Variants in MYL9 observed in about 807,000 individuals in gnomAD.
MYL9 encodes myosin light chain 9.
Under a neutral mutation model 12.8 loss-of-function variants are expected in MYL9, and 7 were observed. The observed-to-expected ratio is 0.55, with a 90% CI of 0.31 to 1.03. The LOEUF (loss-of-function observed/expected upper bound fraction) is 1.03. MYL9 is among the 50% of genes least tolerant of loss of function. The probability of loss-of-function intolerance (pLI) is 0.05; values close to 1 mark genes in which losing one functional copy is unlikely to be tolerated. For missense variants in MYL9, 190 were observed against 242.7 expected (o/e 0.78, Z 1.44); for synonymous variants, 81 against 87.8 (o/e 0.92, Z 0.43).
At chr20:36,545,616 A>C (rs2038088932) in intron 2 of MYL9, among the ~76,000 whole-genome samples, 1 of 151,646 alleles carries the variant, frequency 6.6e-6, no homozygotes, top group Admixed American at 6.6e-5. Context: ...CTGGGCTGCC[A>C]GGTATCATTT....
chr20:36,545,104 G>C (rs1361552698), intron 2 of MYL9, 36 bp downstream of exon 2: 1 of 1,603,448 alleles, frequency 6.2e-7, no homozygotes, highest in Non-Finnish European at 8.5e-7. Context: ...AGATGGATGA[G>C]GCCAGGCAGG....
rs374262178 is a variant in MYL9, at chr20:36,549,281, G to A, written c.*32G>A. On this transcript the variant is annotated 3_prime_UTR_variant, in exon 4 of 4. Transcript: ENST00000279022. ...CCAGCCCCCTGACACCCCAGCCCCC[G>A]CCAGTCACCCCTCCCCGCACACACC... 161 of 1,002,618 alleles carry A rather than the reference G, an allele frequency of 1.6e-4. No homozygotes were observed. Among genetic ancestry groups the A allele is most frequent in the East Asian group, 8.8e-4 (13 of 14,716 alleles). The allele number at this position is 1,002,618 out of a possible 1,614,324, so 62.1% of individuals were successfully genotyped here.
Position 36,548,108 on chromosome 20 carries a change from C to T in MYL9, c.261C>T (p.Leu87=), listed in dbSNP as rs2038123340. 2 of 1,613,892 alleles carry T rather than the reference C, an allele frequency of 1.2e-6. No individual in the cohort carries two copies. The highest frequency in any genetic ancestry group is 1.3e-5 in the African/African-American group (1 of 74,924). The part of the protein sequence containing the change: ...APGPINFTMF[L]TMFGEKLNGT... ...GGCCCATCAACTTCACCATGTTCCT[C>T]ACCATGTTTGGGGAGAAGCTGAACG... Residue 87 remains leucine, a synonymous_variant, in exon 3 of 4, where the codon CTC becomes CTT. Coordinates refer to ENST00000279022, the MANE Select transcript of MYL9 (RefSeq NM_006097.5).
In MYL9 at chr20:36,544,971, C is replaced by G; in HGVS notation, c.87C>G (p.Ser29=). The change falls in exon 2 of 4, where the codon TCC becomes TCG. Residue 29 remains serine, a synonymous_variant. Coordinates refer to ENST00000279022, the MANE Select transcript of MYL9 (RefSeq NM_006097.5). The stretch of plus-strand genomic sequence containing the variant: ...ATGTCTTCGCAATGTTTGACCAGTC[C>G]CAGATCCAGGAGTTTAAGGAGGCTT... ...TSNVFAMFDQ[S]QIQEFKEAFN... 1 of 1,613,930 alleles carries G rather than the reference C, an allele frequency of 6.2e-7. No homozygotes were observed. The highest frequency in any genetic ancestry group is 8.5e-7 in the Non-Finnish European group (1 of 1,180,006).
At position 36,549,939 on chromosome 20, in the gene MYL9, G is replaced by C. The variant is rs1180182171; in HGVS notation, c.*690G>C. ...CCTGCTCCTCCCACCCTGGCCCAGG[G>C]AAGGACTGGGTGTCCTCCGGCCATA... On this transcript the variant is annotated 3_prime_UTR_variant, in exon 4 of 4. Coordinates refer to ENST00000279022, the MANE Select transcript of MYL9 (RefSeq NM_006097.5). 6.5e-6 allele frequency: 1 copy of C among 152,682 alleles called. No individual in the cohort carries two copies. The highest frequency in any genetic ancestry group is 1.9e-4 in the East Asian group (1 of 5,186). 9.5% of individuals were successfully genotyped at this position (152,682 alleles called of 1,614,324 possible). A position where few individuals can be genotyped will look rare whatever the true frequency, so the allele number is the denominator to read the frequency against.
At chr20:36,544,346 G>C (rs764581219) in intron 1 of MYL9, among the ~76,000 whole-genome samples, 18 of 152,190 alleles carry the variant, frequency 1.2e-4, no homozygotes, top group Non-Finnish European at 2.5e-4. Flanking sequence ...ATGCAGGAAT[G>C]CTGATCCAGC....
At chr20:36,543,399 A>C (rs1161258046) in intron 1 of MYL9, among the ~76,000 whole-genome samples, 1 of 152,124 alleles carries the variant, frequency 6.6e-6, no homozygotes, top group East Asian at 1.9e-4. Context: ...TTGCAACCAC[A>C]CAGCTTGGGG....
Position 36,549,501 on chromosome 20 carries a change from G to A in MYL9, c.*252G>A. On this transcript the variant is annotated 3_prime_UTR_variant, in exon 4 of 4. Transcript: ENST00000279022. Reference sequence around the variant, plus strand: ...GGAAAGACCACCTTCTGGGGACATGGGCTGGAGGGCAGGACCTAGAGGCAC... The same window carrying A: ...GGAAAGACCACCTTCTGGGGACATGAGCTGGAGGGCAGGACCTAGAGGCAC... 2.3e-6 allele frequency: 1 copy of A among 441,510 alleles called. No individual in the cohort carries two copies. The highest frequency in any genetic ancestry group is 4.1e-6 in the Non-Finnish European group (1 of 242,202). The allele number at this position is 441,510 out of a possible 1,614,324, so 27.3% of individuals were successfully genotyped here.
chr20:36,541,749 A>G (rs2038039195), intron 1 of MYL9, among the ~76,000 whole-genome samples, 188 bp downstream of exon 1: 2 of 152,220 alleles, frequency 1.3e-5, no homozygotes, highest in Non-Finnish European at 2.9e-5. Flanking sequence ...GGGGGCCGAC[A>G]GGGACTCTGG....
In MYL9 at chr20:36,550,721, C is replaced by G. The variant is rs2038158039; in HGVS notation, c.*1472C>G. Reference sequence around the variant, plus strand: ...ACGCCAGGCCCTGCTCAGAGCTCGGCTGAAACTCCTCATCCTGGCTCCAAA... The same window carrying G: ...ACGCCAGGCCCTGCTCAGAGCTCGGGTGAAACTCCTCATCCTGGCTCCAAA... On this transcript the variant is annotated 3_prime_UTR_variant, in exon 4 of 4. Coordinates refer to ENST00000279022, the MANE Select transcript of MYL9 (RefSeq NM_006097.5). The G allele has an allele frequency of 6.6e-6, 1 of 152,280 alleles. No individual in the cohort carries two copies. Among genetic ancestry groups the G allele is most frequent in the Admixed American group, 6.5e-5 (1 of 15,278 alleles). 9.4% of individuals were successfully genotyped at this position (152,280 alleles called of 1,614,324 possible).
intron 2 of MYL9, among the ~76,000 whole-genome samples, chr20:36,545,828 G>C (rs1437683045): frequency 6.6e-6 from 1 of 152,052 alleles, no homozygotes; most frequent in Non-Finnish European, 1.5e-5. Flanking sequence ...GCTGAGGCAG[G>C]AGAATGGTGT....
intron 2 of MYL9, among the ~76,000 whole-genome samples, chr20:36,547,378 C>T (rs1160318227): frequency 6.6e-6 from 1 of 152,238 alleles, no homozygotes; most frequent in Non-Finnish European, 1.5e-5. Flanking sequence ...CAAGGTCACA[C>T]AGCTACCAAG....
At chr20:36,547,079 C>T (rs6015453) in intron 2 of MYL9, among the ~76,000 whole-genome samples, 1 of 152,154 alleles carries the variant, frequency 6.6e-6, no homozygotes, top group Non-Finnish European at 1.5e-5. Context: ...TGAAAACTTC[C>T]TATTTCCAAG....
chr20:36,549,165 G>A lies in MYL9; in HGVS notation c.435G>A (p.Glu145=), dbSNP rs758692226. The A allele has an allele frequency of 6.8e-6, 11 of 1,613,904 alleles. No individual in the cohort carries two copies. The highest frequency in any genetic ancestry group is 9.3e-6 in the Non-Finnish European group (11 of 1,180,008). ...AGGAAGTGGACGAGATGTACCGGGA[G>A]GCACCCATTGATAAGAAAGGCAACT... ...TDEEVDEMYR[E]APIDKKGNFN... The change falls in exon 4 of 4, where the codon GAG becomes GAA. Residue 145 remains glutamate, a synonymous_variant. Coordinates refer to ENST00000279022, the MANE Select transcript of MYL9 (RefSeq NM_006097.5).
chr20:36,547,971 G>C, intron 2 of MYL9, 61 bp from the exon 3 acceptor site: 2 of 1,518,514 alleles, frequency 1.3e-6, no homozygotes, highest in South Asian at 2.6e-5. Context: ...GGGGGTGCAA[G>C]TTGTCCCAGC....
intron 1 of MYL9, among the ~76,000 whole-genome samples, chr20:36,543,148 A>G (rs1233926938): frequency 6.6e-6 from 1 of 152,224 alleles, no homozygotes; most frequent in Admixed American, 6.5e-5. Flanking sequence ...GGCACTCCCA[A>G]CTAGGTCATG....
chr20:36,547,648 C>T (rs2038116419), intron 2 of MYL9, among the ~76,000 whole-genome samples: 1 of 152,188 alleles, frequency 6.6e-6, no homozygotes, highest in Non-Finnish European at 1.5e-5. Context: ...GGACAAGTCA[C>T]CTGGCCTCTC....
rs1358295554 is a variant in MYL9, at chr20:36,551,251, C to T, written c.*2002C>T. The T allele has an allele frequency of 6.6e-6, 1 of 152,400 alleles. No individual in the cohort carries two copies. Among genetic ancestry groups the T allele is most frequent in the Non-Finnish European group, 1.5e-5 (1 of 68,238 alleles). 9.4% of individuals were successfully genotyped at this position (152,400 alleles called of 1,614,324 possible). ...CACAGGAAGGGAAGAGGAACGTGCT[C>T]TGGGCAGGGCAAGGCAGGACCTGCA... is the stretch of plus-strand genomic sequence containing the variant. On this transcript the variant is annotated 3_prime_UTR_variant, in exon 4 of 4. Transcript: ENST00000279022.
chr20:36,546,457 C>A (rs2038101197), intron 2 of MYL9, among the ~76,000 whole-genome samples: 1 of 152,140 alleles, frequency 6.6e-6, no homozygotes, highest in African/African-American at 2.4e-5. Context: ...GACATTTCCC[C>A]ACGAGGCACT....
Sources: gnomAD v4.1 joint callset for allele counts (sites outside exome capture counted in the v4.1 genomes callset) on GRCh38, gnomAD v4.1.1 for gene constraint, MANE v1.5 for transcripts, NCBI Gene and HGNC (gene_info 2026-07-23, HGNC 2026-07-21) for gene names.